COL6A5: variants seen among roughly 807,000 people sequenced by gnomAD.
COL6A5 encodes the protein collagen alpha-5(VI) chain.
A neutral mutation model predicts 65.6 loss-of-function variants in COL6A5; 48 were observed. The ratio of observed to expected loss-of-function variants is 0.73; its 90% confidence interval spans 0.58 to 0.93. COL6A5 has a LOEUF of 0.93. Ranked by LOEUF, COL6A5 falls within the 40% of genes least tolerant of loss-of-function variation. COL6A5 has a pLI of 0.00. For synonymous variants in COL6A5, 291 were observed against 322.8 expected, an observed-to-expected ratio of 0.90 and a Z score of 1.05; for missense variants, 914 against 928.3, an observed-to-expected ratio of 0.98 and a Z score of 0.20.
intron 11 of COL6A5, 139 bp downstream of exon 11, chr3:130,401,312 G>A (rs1423678553): frequency 1.4e-6 from 1 of 719,810 alleles, no homozygotes; most frequent in East Asian, 2.8e-5. Flanking sequence ...AAAAAGTGTG[G>A]AAGACCATAG....
rs1438975959 is a variant in COL6A5, at chr3:130,446,122, G to A, written c.1332+2556G>A. Among the ~76,000 whole-genome samples the A allele has an allele frequency of 2.0e-5, 3 of 152,068 alleles. 1 individual carries two copies. In the South Asian group the frequency reaches 6.2e-4, roughly 31 times the overall value. On this transcript the variant is annotated intron_variant, in intron 4 of 7. Transcript: ENST00000512836. Reference sequence around the variant, plus strand: ...TGAGTTTCTAGAGGGATACAACTAGGTGCATGTCCGAGGCACAGAGGGGGG... The same window carrying A: ...TGAGTTTCTAGAGGGATACAACTAGATGCATGTCCGAGGCACAGAGGGGGG...
At chr3:130,399,854 G>C (rs1936756886) in intron 10 of COL6A5, among the ~76,000 whole-genome samples, 1 of 152,028 alleles carries the variant, frequency 6.6e-6, no homozygotes, top group Non-Finnish European at 1.5e-5. Flanking sequence ...CCAGGTTCAA[G>C]CGATTCTCCT....
intron 10 of COL6A5, among the ~76,000 whole-genome samples, chr3:130,399,372 T>TTC (rs199628548): frequency 0.016 from 2,229 of 139,912 alleles, 42 homozygotes; most frequent in East Asian, 0.092. Flanking sequence ...ATTTCTTTCT[T>TTC]TTTTTTTTTT....
At chr3:130,417,412 C>T (rs1389452183) in intron 24 of COL6A5, among the ~76,000 whole-genome samples, 1 of 152,116 alleles carries the variant, frequency 6.6e-6, no homozygotes, top group Non-Finnish European at 1.5e-5. Flanking sequence ...ATGTACTCTT[C>T]CTTCCATTGA....
rs560761100 is a variant in COL6A5 at position 130,478,516 on chromosome 3, C to G, written c.2329-5519C>G. ...GCTAGTCTTAAAAGGCTCCATCTAC[C>G]TGAGAATGTATTTGTGTCTAAGGAA... On this transcript the variant is annotated intron_variant, in intron 7 of 7. Transcript: ENST00000512836. 7.9e-5 allele frequency among the ~76,000 whole-genome samples: 12 copies of G among 152,140 alleles called. No homozygotes were observed. In the South Asian group the frequency reaches 1.5e-3, roughly 18 times the overall value.
chr3:130,420,049 A>G (rs1250921566), intron 25 of COL6A5, among the ~76,000 whole-genome samples: 2 of 152,076 alleles, frequency 1.3e-5, no homozygotes, highest in Non-Finnish European at 2.9e-5. Flanking sequence ...TTCTATCCAT[A>G]AAATTAAATG....
chr3:130,451,473 C>A (rs999124547), intron 4 of COL6A5, among the ~76,000 whole-genome samples: 1 of 151,918 alleles, frequency 6.6e-6, no homozygotes, highest in African/African-American at 2.4e-5. Context: ...GTAAAGTGAC[C>A]GGTTGAGGAA....
intron 7 of COL6A5, among the ~76,000 whole-genome samples, chr3:130,478,457 C>T (rs933512247): frequency 2.0e-5 from 3 of 152,014 alleles, no homozygotes; most frequent in Non-Finnish European, 4.4e-5. Context: ...TACTGGGTGA[C>T]ACACAAAGAT....
chr3:130,372,167 G>A (rs1012318943), intron 1 of COL6A5, among the ~76,000 whole-genome samples: 22 of 152,076 alleles, frequency 1.4e-4, no homozygotes, highest in Non-Finnish European at 3.2e-4. Context: ...TGGAAAATAA[G>A]TGTTGATGGC....
chr3:130,410,576 A>G, intron 20 of COL6A5, 52 bp downstream of exon 20: 1 of 1,418,294 alleles, frequency 7.1e-7, no homozygotes, highest in Non-Finnish European at 9.7e-7. Flanking sequence ...TGAAGATGAC[A>G]GAGGCATTCA....
chr3:130,379,775 C>T, exon 4 of COL6A5: 2 of 1,551,420 alleles, frequency 1.3e-6, no homozygotes, highest in Non-Finnish European at 1.7e-6. Flanking sequence ...CCTCAGATTG[C>T]AGTTCTGGTC....
At chr3:130,434,303 A>G (rs1937951891) in intron 1 of COL6A5, among the ~76,000 whole-genome samples, 1 of 152,180 alleles carries the variant, frequency 6.6e-6, no homozygotes, top group African/African-American at 2.4e-5. Context: ...TTCCATGTGT[A>G]TATGTACCAC....
intron 1 of COL6A5, among the ~76,000 whole-genome samples, chr3:130,361,614 G>A (rs767689245): frequency 3.9e-5 from 6 of 152,066 alleles, no homozygotes; most frequent in Non-Finnish European, 7.4e-5. Context: ...TGGATTGTAT[G>A]GGATGAATAT....
chr3:130,365,852 G>C (rs1935316185), intron 1 of COL6A5, among the ~76,000 whole-genome samples: 1 of 152,202 alleles, frequency 6.6e-6, no homozygotes, highest in African/African-American at 2.4e-5. Flanking sequence ...AACTCTGGGA[G>C]TGGGACCTGG....
At chr3:130,462,244 A>G (rs1709719173) in intron 5 of COL6A5, among the ~76,000 whole-genome samples, 1 of 152,084 alleles carries the variant, frequency 6.6e-6, no homozygotes, top group South Asian at 2.1e-4. Flanking sequence ...TTTACCAGAC[A>G]GGAAGGGTGA....
chr3:130,400,001 G>C (rs1224227084), intron 10 of COL6A5, among the ~76,000 whole-genome samples: 1 of 151,934 alleles, frequency 6.6e-6, no homozygotes, highest in Admixed American at 6.6e-5. Flanking sequence ...GACCTCAGGT[G>C]ATCCGCCCAC....
At chr3:130,471,833 T>C in intron 7 of COL6A5, 1 of 1,534,546 alleles carries the variant, frequency 6.5e-7, no homozygotes, top group Admixed American at 2.0e-5. Flanking sequence ...ATATCTGCTC[T>C]TTTCAACTGA....
chr3:130,384,080 CTTTT>C (rs1318240062), intron 4 of COL6A5, among the ~76,000 whole-genome samples: 2 of 151,786 alleles, frequency 1.3e-5, no homozygotes, highest in Non-Finnish European at 2.9e-5. Flanking sequence ...AAGAGAAGAC[CTTTT>C]TTAAGAGATG....
upstream of COL6A5, chr3:130,431,283 A>T: frequency 1.4e-6 from 1 of 728,044 alleles, no homozygotes; most frequent in Non-Finnish European, 2.4e-6. Flanking sequence ...CATTTATGTT[A>T]ACAGCTTCAA....
Sources: allele counts gnomAD v4.1 joint callset (sites outside exome capture counted in the v4.1 genomes callset), GRCh38; gene constraint gnomAD v4.1.1; transcripts MANE v1.5; gene names NCBI Gene and HGNC (gene_info 2026-07-23, HGNC 2026-07-21).